COPG1: variants seen among roughly 807,000 people sequenced by gnomAD.
COPG1 encodes coat protein complex I subunit gamma 1, also known as coatomer subunit gamma-1.
A neutral mutation model predicts 102.8 loss-of-function variants in COPG1; 29 were observed. That is an observed-to-expected ratio of 0.28 (90% CI 0.21 to 0.38). The LOEUF (loss-of-function observed/expected upper bound fraction) is 0.38, where lower values mean the gene tolerates loss of function less well. Among genes scored for constraint, COPG1 ranks in the 10% least tolerant of loss-of-function variants. The pLI, the probability that COPG1 is intolerant of heterozygous loss-of-function variation, is 1.00. For synonymous variants in COPG1, 406 were observed against 421.6 expected, an observed-to-expected ratio of 0.96 and a Z score of 0.45; for missense variants, 875 against 1,132.7, an observed-to-expected ratio of 0.77 and a Z score of 3.27.
rs201056475 is a variant in COPG1, at chr3:129,252,914, G to A, written c.282G>A (p.Glu94=). 5.6e-5 allele frequency: 91 copies of A among 1,614,098 alleles called. No homozygotes were observed. Among genetic ancestry groups the A allele is most frequent in the Non-Finnish European group, 6.4e-5 (75 of 1,180,050 alleles). ...LRRMCYLTIK[E]MSCIAEDVII... ...GGATGTGCTACTTGACCATCAAGGA[G>A]ATGTCTTGCATTGCAGAGGATGTCA... The change falls in exon 5 of 24, where the codon GAG becomes GAA. Residue 94 remains glutamate, a synonymous_variant. Transcript: ENST00000314797.
At chr3:129,253,158 A>G in intron 5 of COPG1, 1 of 522,576 alleles carries the variant, frequency 1.9e-6, no homozygotes, top group East Asian at 3.3e-5. Flanking sequence ...CTTGGACACA[A>G]ATGCTTCCTT....
Position 129,275,130 on chromosome 3 carries a change from G to A in COPG1, c.2396-64G>A. 1 of 1,522,048 alleles carries A rather than the reference G, an allele frequency of 6.6e-7. No homozygotes were observed. Among genetic ancestry groups the A allele is most frequent in the Non-Finnish European group, 9.1e-7 (1 of 1,099,032 alleles). 94.3% of individuals were successfully genotyped at this position (1,522,048 alleles called of 1,614,324 possible). A position where few individuals can be genotyped will look rare whatever the true frequency, so the allele number is the denominator to read the frequency against. ...TCATTAAAAGCCCTTCAGAACATGGGGGAGTGGTGGTGGCACAAAGGGCAG... is the reference window on the plus strand; with the variant it reads ...TCATTAAAAGCCCTTCAGAACATGGAGGAGTGGTGGTGGCACAAAGGGCAG... On this transcript the variant is annotated intron_variant, in intron 22 of 23. Coordinates refer to ENST00000314797, the MANE Select transcript of COPG1 (RefSeq NM_016128.4). This position sits in a 1 kb window ranked among gnomAD's most constrained non-coding sequence, Gnocchi z 5.0.
chr3:129,254,902 T>C (rs1409061145), intron 6 of COPG1, 83 bp from the exon 7 acceptor site: 2 of 1,253,214 alleles, frequency 1.6e-6, no homozygotes, highest in Non-Finnish European at 2.3e-6. Flanking sequence ...CTCCTCATAC[T>C]CATCTCTGCC....
intron 7 of COPG1, among the ~76,000 whole-genome samples, chr3:129,255,831 C>T (rs1939798776): frequency 6.6e-6 from 1 of 152,120 alleles, no homozygotes; most frequent in Non-Finnish European, 1.5e-5. Flanking sequence ...CCACCCTTCT[C>T]AGTGAAGACA....
chr3:129,254,848 G>T, intron 6 of COPG1, 105 bp downstream of exon 6: 2 of 1,227,366 alleles, frequency 1.6e-6, no homozygotes, highest in East Asian at 2.4e-5. Context: ...CAGGTGATGT[G>T]GGGTGGAGGC....
In COPG1 at chr3:129,249,628, C is replaced by T. The variant is rs920482757; in HGVS notation, c.-82C>T. 2 of 1,492,756 alleles carry T rather than the reference C, an allele frequency of 1.3e-6. No individual in the cohort carries two copies. The highest frequency in any genetic ancestry group is 2.4e-5 in the South Asian group (2 of 82,388). The allele number at this position is 1,492,756 out of a possible 1,614,324, so 92.5% of individuals were successfully genotyped here. ...GCCAGTCGGGGCCCGGAAGTGGTCC[C>T]TGTAGAACCACTGTGGCACCGCTAC... On this transcript the variant is annotated 5_prime_UTR_variant, in exon 1 of 24. Transcript: ENST00000314797.
At chr3:129,268,904 T>C (rs368338518) in intron 17 of COPG1, 28 bp from the exon 18 acceptor site, 19 of 1,603,500 alleles carry the variant, frequency 1.2e-5, no homozygotes, top group Admixed American at 5.0e-5. Flanking sequence ...CAGCTGTTGG[T>C]CATCACGTGT....
intron 18 of COPG1, among the ~76,000 whole-genome samples, chr3:129,269,546 T>G (rs1472470079): frequency 6.6e-6 from 1 of 152,142 alleles, no homozygotes; most frequent in Non-Finnish European, 1.5e-5. Context: ...CTCTTCTGTC[T>G]TCTCTTAAAC....
chr3:129,260,242 GC>G lies in COPG1; in HGVS notation c.872-90del, dbSNP rs1939899026. On this transcript the variant is annotated intron_variant, in intron 10 of 23. Transcript: ENST00000314797. ...GGGTGTCAGCAGGGAAATGAGCTGA[GC>G]AGAGGGTTTGAGTCAGAACAGTAGC... 7 of 1,177,546 alleles carry G rather than the reference GC, an allele frequency of 5.9e-6. No individual in the cohort carries two copies. The East Asian group carries it at 1.6e-4, about 28-fold the overall frequency. The allele number at this position is 1,177,546 out of a possible 1,614,324, so 72.9% of individuals were successfully genotyped here. A position where few individuals can be genotyped will look rare whatever the true frequency, so the allele number is the denominator to read the frequency against.
chr3:129,262,594 G>A (rs551652196), intron 12 of COPG1, among the ~76,000 whole-genome samples: 6 of 152,018 alleles, frequency 3.9e-5, no homozygotes, highest in East Asian at 1.9e-4. Flanking sequence ...GTGGTGATGC[G>A]CACCTGTAGT....
In COPG1 at chr3:129,263,885, G is replaced by A; in HGVS notation, c.1129-19G>A. 1 of 1,609,978 alleles carries A rather than the reference G, an allele frequency of 6.2e-7. No homozygotes were observed. The highest frequency in any genetic ancestry group is 8.5e-7 in the Non-Finnish European group (1 of 1,176,226). ...CTTGGTGGCAGGGCCTGCTGCTCAT[G>A]CACGTCTATTTCATTTAGGTGGTGG... On this transcript the variant is annotated intron_variant, in intron 12 of 23. Coordinates refer to ENST00000314797, the MANE Select transcript of COPG1 (RefSeq NM_016128.4).
rs756221218 is a variant in COPG1 at position 129,257,589 on chromosome 3, C to G, written c.699C>G (p.Ile233Met). Reference sequence around the variant, plus strand: ...CTCCCTTTGCCTACTGCATGATGATCCGGGTGGCCAGCAAGCAGCTGGAAG... The same window carrying G: ...CTCCCTTTGCCTACTGCATGATGATGCGGGTGGCCAGCAAGCAGCTGGAAG... ...LKSPFAYCMM[I>M]RVASKQLEEE... Residue 233 changes from isoleucine to methionine, a missense_variant, in exon 9 of 24, where the codon ATC becomes ATG. Ile to Met is a conservative substitution (Grantham distance 10). Transcript: ENST00000314797. The G allele has an allele frequency of 2.5e-6, 4 of 1,614,124 alleles. No homozygotes were observed. The highest frequency in any genetic ancestry group is 3.4e-6 in the Non-Finnish European group (4 of 1,180,056).
At position 129,249,983 on chromosome 3, in the gene COPG1, C is replaced by T. The variant is rs996311452; in HGVS notation, c.37+237C>T. On this transcript the variant is annotated intron_variant, in intron 1 of 23. Coordinates refer to ENST00000314797, the MANE Select transcript of COPG1 (RefSeq NM_016128.4). ...TTGGGCGCGACAAACACCCCCCCCC[C>T]CAGGCCTCAATTTACCCATCTGTCA... Among the ~76,000 whole-genome samples the T allele has an allele frequency of 2.0e-5, 3 of 148,264 alleles. No homozygotes were observed. The South Asian group carries it at 6.4e-4, about 32-fold the overall frequency.
chr3:129,266,575 T>C (rs1048218863), intron 14 of COPG1, among the ~76,000 whole-genome samples: 1 of 152,222 alleles, frequency 6.6e-6, no homozygotes, highest in Non-Finnish European at 1.5e-5. Context: ...TTATTTTTAA[T>C]TTCTTTTCAT....
At chr3:129,259,460 C>CAAAAAAAAA (rs781019383) in intron 10 of COPG1, among the ~76,000 whole-genome samples, 1 of 47,560 alleles carries the variant, frequency 2.1e-5, no homozygotes, top group East Asian at 6.1e-4. Context: ...GACTCTATCT[C>CAAAAAAAAA]AAAAAAAAAA....
At chr3:129,264,163 C>T (rs770717942) in intron 13 of COPG1, among the ~76,000 whole-genome samples, 164 bp downstream of exon 13, 5 of 152,126 alleles carry the variant, frequency 3.3e-5, no homozygotes, top group African/African-American at 4.8e-5. Context: ...CATGTAAACA[C>T]GTACCAATTG....
intron 21 of COPG1, among the ~76,000 whole-genome samples, chr3:129,273,320 G>T (rs751172016): frequency 1.3e-5 from 2 of 152,158 alleles, no homozygotes; most frequent in African/African-American, 4.8e-5. Flanking sequence ...CACCGCGCCC[G>T]GCCTAAAATA....
Position 129,252,649 on chromosome 3 carries a change from G to A in COPG1, c.198G>A (p.Ala66=), listed in dbSNP as rs149206482. 330 of 1,614,124 alleles carry A rather than the reference G, an allele frequency of 2.0e-4. No homozygotes were observed. The highest frequency in any genetic ancestry group is 2.6e-4 in the Non-Finnish European group (307 of 1,180,010). The part of the protein sequence containing the change: ...NQGEHLGTTE[A]TEAFFAMTKL... ...GGGAGCACCTGGGGACCACGGAAGC[G>A]ACCGAGGCCTTCTTTGCCATGACCA... Residue 66 remains alanine, a synonymous_variant, in exon 4 of 24, where the codon GCG becomes GCA. Transcript: ENST00000314797.
At chr3:129,267,323 A>G (rs1940082145) in intron 15 of COPG1, 1 of 407,444 alleles carries the variant, frequency 2.5e-6, no homozygotes, top group East Asian at 5.2e-5. Flanking sequence ...TCCATTTTTT[A>G]AAAATAGCTC....
Sources: allele counts gnomAD v4.1 joint callset (sites outside exome capture counted in the v4.1 genomes callset), GRCh38; gene constraint gnomAD v4.1.1; non-coding constraint Gnocchi (gnomAD v3.1); transcripts MANE v1.5; gene names NCBI Gene and HGNC (gene_info 2026-07-23, HGNC 2026-07-21).